TMEM117: variants seen among roughly 807,000 people sequenced by gnomAD.
The protein encoded by TMEM117 is transmembrane protein 117.
TMEM117 carries 27 observed loss-of-function variants against 52.4 expected under a neutral mutation model. The ratio of observed to expected loss-of-function variants is 0.51; its 90% CI spans 0.38 to 0.71. The LOEUF is 0.71. TMEM117 is among the 30% of genes least tolerant of loss of function. TMEM117 has a pLI of 0.00. For synonymous variants in TMEM117, 215 were observed against 206.3 expected (o/e 1.04, Z -0.36); for missense variants, 556 against 630.5 (o/e 0.88, Z 1.26).
chr12:44,311,749 GTA>G (rs954834411), intron 6 of TMEM117, among the ~76,000 whole-genome samples: 8 of 121,632 alleles, frequency 6.6e-5, no homozygotes, highest in Admixed American at 2.4e-4. Context: ...GTATATATGT[GTA>G]TATATGTATA....
intron 3 of TMEM117, among the ~76,000 whole-genome samples, chr12:43,971,416 T>C (rs937160363): frequency 2.0e-5 from 3 of 152,228 alleles, no homozygotes; most frequent in Non-Finnish European, 4.4e-5. Context: ...ATTCTGCTCT[T>C]TTGTAATTTT....
At chr12:43,950,963 T>C (rs142101657) in intron 3 of TMEM117, among the ~76,000 whole-genome samples, 34 of 152,210 alleles carry the variant, frequency 2.2e-4, no homozygotes, top group Non-Finnish European at 4.0e-4. Flanking sequence ...TTCATCCTAC[T>C]GGGACTGGCT....
At chr12:43,917,976 T>G (rs184118466) in intron 2 of TMEM117, among the ~76,000 whole-genome samples, 3 of 152,302 alleles carry the variant, frequency 2.0e-5, no homozygotes, top group Admixed American at 2.0e-4. Flanking sequence ...CTTTACTAGT[T>G]TGTTAGACTG....
chr12:44,139,887 T>C (rs1026909052), intron 3 of TMEM117, among the ~76,000 whole-genome samples: 1 of 152,162 alleles, frequency 6.6e-6, no homozygotes, highest in Admixed American at 6.5e-5. Context: ...TGTCTTGTTG[T>C]TTACAATCCA....
At chr12:43,961,111 T>A (rs1332905288) in intron 3 of TMEM117, among the ~76,000 whole-genome samples, 1 of 152,182 alleles carries the variant, frequency 6.6e-6, no homozygotes, top group African/African-American at 2.4e-5. Flanking sequence ...AGTACCCATT[T>A]CAGGGTTGTT....
chr12:44,242,123 A>G (rs1950070006), intron 5 of TMEM117, among the ~76,000 whole-genome samples: 1 of 141,080 alleles, frequency 7.1e-6, no homozygotes, highest in Non-Finnish European at 1.5e-5. Flanking sequence ...ACTCCCAGAT[A>G]ATTTGTCTTT....
rs142119333 is a variant in TMEM117, at chr12:44,068,599, T to C, written c.411-74926T>C. On this transcript the variant is annotated intron_variant, in intron 3 of 7. Transcript: ENST00000266534. ...GTAGGGCAGTCAGAAGACACAACAT[T>C]CATCAATTAAGTTCACTTTCTTAAA... Among the ~76,000 whole-genome samples the C allele has an allele frequency of 5.5e-3, 830 of 152,288 alleles. 19 individuals are homozygous for C. Among genetic ancestry groups the C allele is most frequent in the East Asian group, 0.048 (250 of 5,180 alleles).
intron 6 of TMEM117, among the ~76,000 whole-genome samples, chr12:44,350,111 C>A (rs1210693324): frequency 6.6e-6 from 1 of 152,008 alleles, no homozygotes; most frequent in Non-Finnish European, 1.5e-5. Context: ...CAATTATTTT[C>A]TCTCTTTCAG....
intron 2 of TMEM117, among the ~76,000 whole-genome samples, chr12:43,912,411 T>G (rs1944522351): frequency 6.6e-6 from 1 of 151,296 alleles, no homozygotes; most frequent in Non-Finnish European, 1.5e-5. Flanking sequence ...GACGAGTTAG[T>G]GGGTGCAGTG....
chr12:44,264,197 A>G (rs773372440), intron 5 of TMEM117, among the ~76,000 whole-genome samples: 2 of 152,088 alleles, frequency 1.3e-5, no homozygotes, highest in African/African-American at 2.4e-5. Context: ...CTATTTGATC[A>G]TTGTTTTTCA....
rs556835066 is a variant in TMEM117 at position 44,088,613 on chromosome 12, G to A, written c.411-54912G>A. ...TATGAGTGATCTTGTGAAATCTAAT[G>A]TGGTCCTGGGTGACACCTGAAAGTT... On this transcript the variant is annotated intron_variant, in intron 3 of 7. Coordinates refer to ENST00000266534, the MANE Select transcript of TMEM117 (RefSeq NM_032256.3). Among the ~76,000 whole-genome samples the A allele has an allele frequency of 3.1e-4, 47 of 152,336 alleles. No homozygotes were observed. In the South Asian group the frequency reaches 9.5e-3, roughly 31 times the overall value.
chr12:43,800,327 C>T, the TMEM117 span: 1 of 736,948 alleles, frequency 1.4e-6, no homozygotes, highest in Non-Finnish European at 2.2e-6. Flanking sequence ...CTCTTATTCT[C>T]ATGTTTTCAG....
intron 3 of TMEM117, among the ~76,000 whole-genome samples, chr12:43,993,215 A>G (rs982863038): frequency 2.0e-5 from 3 of 152,138 alleles, no homozygotes; most frequent in South Asian, 2.1e-4. Context: ...TGCAATCCCA[A>G]CTGAGCTACT....
At chr12:43,854,647 TA>T (rs1165560882) in intron 2 of TMEM117, among the ~76,000 whole-genome samples, 5 of 151,880 alleles carry the variant, frequency 3.3e-5, no homozygotes, top group African/African-American at 1.2e-4. Context: ...TTTATTTATT[TA>T]TTATTTTTTT....
intron 5 of TMEM117, among the ~76,000 whole-genome samples, chr12:44,256,576 T>C (rs188373431): frequency 6.6e-6 from 1 of 152,182 alleles, no homozygotes; most frequent in East Asian, 1.9e-4. Flanking sequence ...TGCTATAGAT[T>C]ACTATGCATT....
At chr12:44,352,479 T>C (rs1181743163) in intron 6 of TMEM117, among the ~76,000 whole-genome samples, 3 of 152,040 alleles carry the variant, frequency 2.0e-5, no homozygotes, top group African/African-American at 7.2e-5. Flanking sequence ...CGGAGTGTGA[T>C]GTTCCCCTTC....
chr12:44,348,951 T>A (rs541785205), intron 6 of TMEM117, among the ~76,000 whole-genome samples: 1 of 152,160 alleles, frequency 6.6e-6, no homozygotes, highest in South Asian at 2.1e-4. Flanking sequence ...CCTTTATAGC[T>A]TAGCCTGTAT....
chr12:44,076,250 A>G (rs1947380147), intron 3 of TMEM117, among the ~76,000 whole-genome samples: 1 of 152,246 alleles, frequency 6.6e-6, no homozygotes, highest in South Asian at 2.1e-4. Flanking sequence ...TGGGTTATTG[A>G]TAACATTAAG....
At chr12:43,885,466 C>CTT (rs141690148) in intron 2 of TMEM117, among the ~76,000 whole-genome samples, 6 of 143,944 alleles carry the variant, frequency 4.2e-5, no homozygotes, top group Admixed American at 2.8e-4. Context: ...TGAGAAAGAA[C>CTT]TTTTTTTAAA....
Sources: allele counts gnomAD v4.1 joint callset (sites outside exome capture counted in the v4.1 genomes callset), GRCh38; gene constraint gnomAD v4.1.1; transcripts MANE v1.5; gene names NCBI Gene and HGNC (gene_info 2026-07-23, HGNC 2026-07-21).